MEGF9: variants seen among roughly 807,000 people sequenced by gnomAD.
MEGF9 encodes the protein multiple epidermal growth factor-like domains protein 9.
MEGF9 carries 6 observed loss-of-function variants against 46.8 expected under a neutral mutation model. The observed-to-expected ratio is 0.13, with a 90% CI of 0.07 to 0.25. MEGF9 has a LOEUF of 0.25. Among genes scored for constraint, MEGF9 ranks in the 10% least tolerant of loss-of-function variants. The pLI, the probability that MEGF9 is intolerant of heterozygous loss-of-function variation, is 1.00. For synonymous variants in MEGF9, 302 were observed against 330.7 expected, an observed-to-expected ratio of 0.91 and a Z score of 0.94; for missense variants, 683 against 792.4, an observed-to-expected ratio of 0.86 and a Z score of 1.66.
intron 2 of MEGF9, among the ~76,000 whole-genome samples, chr9:120,639,499 C>T (rs866004890): frequency 1.4e-4 from 19 of 132,944 alleles, no homozygotes; most frequent in Admixed American, 7.1e-4. Flanking sequence ...CAGAGTGAGA[C>T]TCCGTCTTTA....
At chr9:120,655,657 T>C (rs1200788783) in intron 2 of MEGF9, among the ~76,000 whole-genome samples, 2 of 152,224 alleles carry the variant, frequency 1.3e-5, no homozygotes, top group Non-Finnish European at 2.9e-5. Context: ...ATTCATTTCA[T>C]GTCAACCCCA....
At chr9:120,647,971 C>T (rs1369706785) in intron 2 of MEGF9, among the ~76,000 whole-genome samples, 1 of 152,128 alleles carries the variant, frequency 6.6e-6, no homozygotes, top group Non-Finnish European at 1.5e-5. Context: ...CCATTTAGTA[C>T]TGTATATTTT....
intron 1 of MEGF9, among the ~76,000 whole-genome samples, chr9:120,670,998 T>C (rs1273442462): frequency 1.3e-5 from 2 of 152,218 alleles, no homozygotes; most frequent in African/African-American, 4.8e-5. Flanking sequence ...TTCTTAATGC[T>C]CTGCAATCTT....
In MEGF9 at chr9:120,662,513, G is replaced by A. The variant is rs117407546; in HGVS notation, c.602-2938C>T. 1.5e-3 allele frequency among the ~76,000 whole-genome samples: 225 copies of A among 152,334 alleles called. 1 individual carries two copies. The highest frequency in any genetic ancestry group is 2.7e-3 in the Non-Finnish European group (184 of 68,022). ...GAAGTTATGAGCACAGATTGTAGAC[G>A]TAGACGGCTAAGATTAAATCCGGCT... On this transcript the variant is annotated intron_variant, in intron 1 of 5. Transcript: ENST00000373930.
In MEGF9 at chr9:120,605,748, T is replaced by TCCTA; in HGVS notation, c.1358-108_1358-107insTAGG. 2 of 798,190 alleles carry TCCTA rather than the reference T, an allele frequency of 2.5e-6. No individual in the cohort carries two copies. The highest frequency in any genetic ancestry group is 3.9e-6 in the Non-Finnish European group (2 of 506,574). 49.4% of individuals were successfully genotyped at this position (798,190 alleles called of 1,614,324 possible). ...TGAATGTTGATGTAGGATGTTAACA[T>TCCTA]GATATTCTGCTTTAAGGTAATGCAA... On this transcript the variant is annotated intron_variant, in intron 5 of 5. Coordinates refer to ENST00000373930, the MANE Select transcript of MEGF9 (RefSeq NM_001080497.3). This position sits in a 1 kb window ranked among gnomAD's most constrained non-coding sequence, Gnocchi z 4.0.
chr9:120,645,278 A>T (rs1027625659), intron 2 of MEGF9, among the ~76,000 whole-genome samples: 2 of 152,320 alleles, frequency 1.3e-5, no homozygotes, highest in Non-Finnish European at 2.9e-5. Flanking sequence ...ATATAAACTG[A>T]AGGAGCTGAT....
intron 2 of MEGF9, among the ~76,000 whole-genome samples, chr9:120,630,271 T>C (rs963713793): frequency 2.6e-5 from 4 of 152,244 alleles, no homozygotes; most frequent in African/African-American, 9.6e-5. Context: ...AGTAGGAACA[T>C]GCAGTATTTC....
intron 1 of MEGF9, among the ~76,000 whole-genome samples, chr9:120,687,622 A>C (rs2043828560): frequency 6.6e-6 from 1 of 151,920 alleles, no homozygotes; most frequent in South Asian, 2.1e-4. Flanking sequence ...AGTTTAAAAA[A>C]AGCATGGTAA....
At chr9:120,616,825 T>C (rs1339201922) in intron 3 of MEGF9, among the ~76,000 whole-genome samples, 1 of 152,218 alleles carries the variant, frequency 6.6e-6, no homozygotes, top group Non-Finnish European at 1.5e-5. Context: ...GGATAATAAT[T>C]CTTTGGCTAA....
At chr9:120,682,151 AAAATT>A (rs932983656) in intron 1 of MEGF9, among the ~76,000 whole-genome samples, 3 of 152,236 alleles carry the variant, frequency 2.0e-5, no homozygotes, top group African/African-American at 7.2e-5. Flanking sequence ...ACAGATTGCA[AAAATT>A]AAAAACTAAA....
chr9:120,687,665 CA>C (rs2043828895), intron 1 of MEGF9, among the ~76,000 whole-genome samples: 1 of 95,292 alleles, frequency 1.0e-5, no homozygotes, highest in Non-Finnish European at 2.1e-5. Context: ...AACATGAACA[CA>C]ACACTGTGTG....
intron 3 of MEGF9, among the ~76,000 whole-genome samples, chr9:120,622,165 C>G (rs1280032828): frequency 6.6e-6 from 1 of 152,180 alleles, no homozygotes; most frequent in Non-Finnish European, 1.5e-5. Context: ...TGTGGGAAAG[C>G]TGGCCTTGTG....
chr9:120,673,825 C>G (rs896595193), intron 1 of MEGF9, among the ~76,000 whole-genome samples: 1 of 151,962 alleles, frequency 6.6e-6, no homozygotes, highest in African/African-American at 2.4e-5. Context: ...AAAAAATTAG[C>G]TGGGCGCGGT....
At chr9:120,667,438 A>G (rs977542794) in intron 1 of MEGF9, among the ~76,000 whole-genome samples, 1 of 152,208 alleles carries the variant, frequency 6.6e-6, no homozygotes. Context: ...AAAGATAAAG[A>G]TGTATAGGAT....
At chr9:120,700,032 C>T (rs1193962845) in intron 1 of MEGF9, among the ~76,000 whole-genome samples, 2 of 152,154 alleles carry the variant, frequency 1.3e-5, no homozygotes, top group African/African-American at 4.8e-5. Flanking sequence ...ATCTTGGTCA[C>T]ATTCCATTAT....
chr9:120,635,275 A>C (rs1273380058), intron 2 of MEGF9, among the ~76,000 whole-genome samples: 13 of 152,162 alleles, frequency 8.5e-5, no homozygotes, highest in Admixed American at 8.5e-4. Flanking sequence ...GAATAATCTG[A>C]CTATTAAGTA....
chr9:120,621,068 A>C (rs2043497506), intron 3 of MEGF9, among the ~76,000 whole-genome samples: 1 of 152,156 alleles, frequency 6.6e-6, no homozygotes, highest in South Asian at 2.1e-4. Context: ...AAGGATACTT[A>C]ATTCTTACAT....
At chr9:120,675,965 T>C (rs2043771886) in intron 1 of MEGF9, among the ~76,000 whole-genome samples, 1 of 151,416 alleles carries the variant, frequency 6.6e-6, no homozygotes, top group Admixed American at 6.6e-5. Flanking sequence ...AGCTTTATAA[T>C]GTGCTTCACT....
intron 2 of MEGF9, among the ~76,000 whole-genome samples, chr9:120,654,892 A>T (rs2043669500): frequency 6.6e-6 from 1 of 152,222 alleles, no homozygotes; most frequent in South Asian, 2.1e-4. Context: ...AAGTTTAATA[A>T]GTAAAAAATA....
Sources: allele counts gnomAD v4.1 joint callset (sites outside exome capture counted in the v4.1 genomes callset), GRCh38; gene constraint gnomAD v4.1.1; non-coding constraint Gnocchi (gnomAD v3.1); transcripts MANE v1.5; gene names NCBI Gene and HGNC (gene_info 2026-07-23, HGNC 2026-07-21).